Variants in RAI14 observed in about 807,000 individuals in gnomAD.
RAI14 encodes the protein ankycorbin.
In RAI14, 45 loss-of-function variants were observed where a neutral mutation model predicts 115.4. That is an observed-to-expected ratio of 0.39 (90% CI 0.31 to 0.50). The LOEUF is 0.50. Among genes scored for constraint, RAI14 ranks in the 20% least tolerant of loss-of-function variants. RAI14 has a pLI of 0.85. For synonymous variants in RAI14, 371 were observed against 415.4 expected, an observed-to-expected ratio of 0.89 and a Z score of 1.30; for missense variants, 939 against 1,131.2, an observed-to-expected ratio of 0.83 and a Z score of 2.44.
chr5:34,814,786 C>A, intron 12 of RAI14, 117 bp downstream of exon 12: 1 of 823,402 alleles, frequency 1.2e-6, no homozygotes. Context: ...GGTTCACAAC[C>A]TTTTCACCAT....
intron 1 of RAI14, among the ~76,000 whole-genome samples, chr5:34,674,736 C>T (rs192994264): frequency 2.6e-5 from 4 of 151,936 alleles, no homozygotes; most frequent in Admixed American, 6.6e-5. Flanking sequence ...TACAGGCATC[C>T]GCTACCATGC....
At chr5:34,805,422 T>C (rs1255921679) in intron 5 of RAI14, among the ~76,000 whole-genome samples, 1 of 152,174 alleles carries the variant, frequency 6.6e-6, no homozygotes, top group Admixed American at 6.5e-5. Flanking sequence ...CTCCCTGGGC[T>C]CTCCAGGCTT....
intron 3 of RAI14, among the ~76,000 whole-genome samples, chr5:34,761,643 C>G (rs1276375225): frequency 6.6e-6 from 1 of 152,142 alleles, no homozygotes; most frequent in African/African-American, 2.4e-5. Flanking sequence ...CTGTCTGCTC[C>G]CGCCCTCCCC....
At chr5:34,769,920 G>A (rs765120585) in intron 3 of RAI14, among the ~76,000 whole-genome samples, 2 of 152,064 alleles carry the variant, frequency 1.3e-5, no homozygotes. Context: ...TAGAGATGTG[G>A]GTTTCACCAT....
chr5:34,679,631 A>T (rs189246957), intron 1 of RAI14, among the ~76,000 whole-genome samples: 358 of 152,238 alleles, frequency 2.4e-3, no homozygotes, highest in Non-Finnish European at 3.9e-3. Flanking sequence ...CTAACGTTGC[A>T]TTATTGAAAA....
chr5:34,698,389 T>C (rs1167048118), intron 2 of RAI14, among the ~76,000 whole-genome samples: 3 of 151,802 alleles, frequency 2.0e-5, no homozygotes, highest in Non-Finnish European at 2.9e-5. Context: ...CTGGCATTTG[T>C]AGTACCTAAA....
chr5:34,665,178 C>T (rs28625166), intron 1 of RAI14, among the ~76,000 whole-genome samples: 326 of 7,080 alleles, frequency 0.046, 84 homozygotes, highest in African/African-American at 0.14. Flanking sequence ...TATATACACA[C>T]ATATATATAT....
At chr5:34,692,623 TA>T (rs891010427) in intron 2 of RAI14, among the ~76,000 whole-genome samples, 14 of 151,766 alleles carry the variant, frequency 9.2e-5, no homozygotes, top group Non-Finnish European at 1.5e-4. Context: ...TTTTTTTTTT[TA>T]ATAGACATAA....
chr5:34,746,818 G>A (rs924431638), intron 2 of RAI14, among the ~76,000 whole-genome samples: 1 of 152,086 alleles, frequency 6.6e-6, no homozygotes, highest in East Asian at 1.9e-4. Context: ...AACTTGAATT[G>A]TATCTCTCAG....
intron 2 of RAI14, among the ~76,000 whole-genome samples, chr5:34,700,489 A>T (rs946281904): frequency 2.0e-5 from 3 of 152,232 alleles, no homozygotes; most frequent in African/African-American, 7.2e-5. Context: ...CTCTCCCTGC[A>T]GTTCCAGCCC....
At position 34,824,440 on chromosome 5, in the gene RAI14, G is replaced by T; in HGVS notation, c.2598G>T (p.Met866Ile). 2 of 1,604,174 alleles carry T rather than the reference G, an allele frequency of 1.2e-6. No homozygotes were observed. The highest frequency in any genetic ancestry group is 8.5e-7 in the Non-Finnish European group (1 of 1,173,688). ...FQQAQEELAE[M>I]KRYAESSSKL... ...AAGCTCAGGAAGAACTTGCAGAAAT[G>T]AAAAGATACGCTGAGAGCTCTTCAA... The change falls in exon 15 of 18, where the codon ATG (methionine) becomes ATT (isoleucine). Residue 866 changes from methionine (M) to isoleucine (I), a missense_variant. Coordinates refer to ENST00000265109, the MANE Select transcript of RAI14 (RefSeq NM_015577.3).
intron 1 of RAI14, among the ~76,000 whole-genome samples, chr5:34,671,725 A>G (rs1308255815): frequency 1.3e-5 from 2 of 152,226 alleles, no homozygotes; most frequent in African/African-American, 4.8e-5. Context: ...TATAAAACTT[A>G]CTAATGATGG....
At chr5:34,680,391 A>G (rs1000225536) in intron 1 of RAI14, among the ~76,000 whole-genome samples, 1 of 152,222 alleles carries the variant, frequency 6.6e-6, no homozygotes, top group Non-Finnish European at 1.5e-5. Context: ...AGACCACAAG[A>G]GCAAGCCTAG....
intron 1 of RAI14, among the ~76,000 whole-genome samples, chr5:34,665,372 T>C (rs1438288688): frequency 6.6e-6 from 1 of 150,852 alleles, no homozygotes; most frequent in East Asian, 2.0e-4. Flanking sequence ...CAGTTCCTTT[T>C]GCTGGCTGAA....
rs1234378820 is a variant in RAI14, at chr5:34,665,093, G to GTA, written c.-49+8626_-49+8627dup. 5.4e-4 allele frequency among the ~76,000 whole-genome samples: 12 copies of GTA among 22,388 alleles called. 2 individuals carry two copies. The highest frequency in any genetic ancestry group is 1.0e-3 in the Admixed American group (2 of 1,920). The allele number at this position is 22,388 out of a possible 152,430, so 14.7% of individuals were successfully genotyped here. ...TGTATATATATGTGTATATATATGT[G>GTA]TATATATATGTGTATATATATGTGT... On this transcript the variant is annotated intron_variant, in intron 1 of 17. Coordinates refer to ENST00000265109, the MANE Select transcript of RAI14 (RefSeq NM_015577.3).
At chr5:34,733,098 T>C (rs1033832964) in intron 2 of RAI14, 1 of 152,188 alleles carries the variant, frequency 6.6e-6, no homozygotes, top group Non-Finnish European at 1.5e-5. Flanking sequence ...TATTATATTC[T>C]ATTTCCATGA....
At chr5:34,767,116 G>A (rs551272826) in intron 3 of RAI14, among the ~76,000 whole-genome samples, 3 of 152,312 alleles carry the variant, frequency 2.0e-5, no homozygotes, top group Non-Finnish European at 4.4e-5. Context: ...GTCTTTATCA[G>A]CAGCATAAAA....
At chr5:34,740,731 T>C (rs1478810220) in intron 2 of RAI14, among the ~76,000 whole-genome samples, 1 of 152,216 alleles carries the variant, frequency 6.6e-6, no homozygotes, top group Non-Finnish European at 1.5e-5. Context: ...CCTTGTCTCA[T>C]GCTTTTAAAA....
intron 2 of RAI14, among the ~76,000 whole-genome samples, chr5:34,693,234 A>G (rs1738848387): frequency 6.6e-6 from 1 of 152,194 alleles, no homozygotes; most frequent in African/African-American, 2.4e-5. Context: ...GGGAGGACAC[A>G]AGTCAACCCT....
Sources: allele counts gnomAD v4.1 joint callset (sites outside exome capture counted in the v4.1 genomes callset), GRCh38; gene constraint gnomAD v4.1.1; transcripts MANE v1.5; gene names NCBI Gene and HGNC (gene_info 2026-07-23, HGNC 2026-07-21).